ABCA6: variants seen among roughly 807,000 people sequenced by gnomAD.
ABCA6 encodes the protein ATP-binding cassette sub-family A member 6.
A neutral mutation model predicts 191.2 loss-of-function variants in ABCA6; 164 were observed. That is an observed-to-expected ratio of 0.86 (90% confidence interval 0.76 to 0.98). ABCA6 has a LOEUF of 0.98. Among genes scored for constraint, ABCA6 ranks in the 50% least tolerant of loss-of-function variants. ABCA6 has a pLI of 0.00. For missense variants in ABCA6, 1,958 were observed against 1,894.1 expected, an observed-to-expected ratio of 1.03 and a Z score of -0.63; for synonymous variants, 636 against 647.7, an observed-to-expected ratio of 0.98 and a Z score of 0.27.
At chr17:69,085,539 A>AAAAAAAAAAAAT in intron 31 of ABCA6, 86 bp downstream of exon 31, 1 of 842,644 alleles carries the variant, frequency 1.2e-6, no homozygotes, top group Non-Finnish European at 1.7e-6. Context: ...AAAAAAAGAA[A>AAAAAAAAAAAAT]AGAAAAATAG....
At chr17:69,114,331 G>A (rs1412948973) in intron 13 of ABCA6, among the ~76,000 whole-genome samples, 4 of 147,598 alleles carry the variant, frequency 2.7e-5, no homozygotes, top group African/African-American at 5.0e-5. Context: ...ACCAAACACC[G>A]CATGTTCTCA....
Position 69,140,709 on chromosome 17 carries a change from C to T in ABCA6, c.-6G>A, listed in dbSNP as rs1218791561. On this transcript the variant is annotated 5_prime_UTR_variant, in exon 2 of 39. The change abolishes the stop of an existing upstream ORF in the 5' untranslated region. Transcript: ENST00000284425. Reference sequence around the variant, plus strand: ...CTTTTCTGTTTCATATTCATTTAGCCTATTCGCTGAAGGAGAAAGTAATCA... The same window carrying T: ...CTTTTCTGTTTCATATTCATTTAGCTTATTCGCTGAAGGAGAAAGTAATCA... 1.3e-6 allele frequency: 2 copies of T among 1,553,858 alleles called. No homozygotes were observed. Among genetic ancestry groups the T allele is most frequent in the South Asian group, 1.2e-5 (1 of 80,628 alleles).
At chr17:69,098,768 A>G (rs1055157942) in intron 22 of ABCA6, among the ~76,000 whole-genome samples, 1 of 152,176 alleles carries the variant, frequency 6.6e-6, no homozygotes, top group African/African-American at 2.4e-5. Context: ...AGTAATATTC[A>G]TAGAAACATA....
chr17:69,129,783 G>A (rs2073829931), intron 6 of ABCA6, 32 bp from the exon 7 acceptor site: 1 of 1,491,776 alleles, frequency 6.7e-7, no homozygotes, highest in Admixed American at 2.2e-5. Flanking sequence ...TATAAATTAT[G>A]TTAACTTATT....
At position 69,110,690 on chromosome 17, in the gene ABCA6, G is replaced by A. The variant is rs1368275688; in HGVS notation, c.2272+111C>T. ...CTTCCTCTTGAGTTCTGCTTCTCAG[G>A]TGGCCAAAACTAAGAAAAAGTCTAA... On this transcript the variant is annotated intron_variant, in intron 17 of 38. Transcript: ENST00000284425. 16 of 1,282,318 alleles carry A rather than the reference G, an allele frequency of 1.2e-5. No homozygotes were observed. In the South Asian group the frequency reaches 2.5e-4, roughly 20 times the overall value. The allele number at this position is 1,282,318 out of a possible 1,614,324, so 79.4% of individuals were successfully genotyped here. A position where few individuals can be genotyped will look rare whatever the true frequency, so the allele number is the denominator to read the frequency against.
intron 13 of ABCA6, among the ~76,000 whole-genome samples, chr17:69,114,045 C>T (rs992227189): frequency 6.6e-6 from 1 of 151,992 alleles, no homozygotes; most frequent in Admixed American, 6.6e-5. Context: ...ACCATTTGAC[C>T]CAGCCATCCC....
At chr17:69,137,129 C>T (rs2073961783) in intron 3 of ABCA6, among the ~76,000 whole-genome samples, 167 bp downstream of exon 3, 1 of 152,148 alleles carries the variant, frequency 6.6e-6, no homozygotes, top group African/African-American at 2.4e-5. Flanking sequence ...ATTTCAAAGG[C>T]TAGTTGTTGT....
intron 7 of ABCA6, among the ~76,000 whole-genome samples, chr17:69,129,190 G>A (rs888273828): frequency 6.6e-6 from 1 of 152,092 alleles, no homozygotes; most frequent in African/African-American, 2.4e-5. Flanking sequence ...TTCAGAGAAG[G>A]CAGAGCGGAG....
intron 26 of ABCA6, among the ~76,000 whole-genome samples, 177 bp from the exon 27 acceptor site, chr17:69,089,719 A>G (rs747910776): frequency 2.6e-5 from 4 of 152,218 alleles, no homozygotes; most frequent in Non-Finnish European, 4.4e-5. Context: ...CTCAACTCTT[A>G]CTGTCTCTCA....
intron 25 of ABCA6, among the ~76,000 whole-genome samples, chr17:69,092,916 T>C (rs1237497651): frequency 6.6e-6 from 1 of 152,198 alleles, no homozygotes. Context: ...AGAAATAAAT[T>C]ATAAGTTATT....
At chr17:69,136,650 A>G (rs1403115846) in intron 3 of ABCA6, among the ~76,000 whole-genome samples, 2 of 152,184 alleles carry the variant, frequency 1.3e-5, no homozygotes, top group Non-Finnish European at 2.9e-5. Flanking sequence ...TCTGCAGAAA[A>G]CAAGATTTTT....
At chr17:69,101,530 A>T (rs1247315161) in intron 21 of ABCA6, among the ~76,000 whole-genome samples, 3 of 150,260 alleles carry the variant, frequency 2.0e-5, no homozygotes, top group Non-Finnish European at 4.4e-5. Flanking sequence ...CAGAAGGCAG[A>T]GGTTGTAGTG....
At chr17:69,130,188 A>G (rs187417955) in intron 6 of ABCA6, among the ~76,000 whole-genome samples, 10 of 152,132 alleles carry the variant, frequency 6.6e-5, no homozygotes, top group Admixed American at 6.6e-5. Context: ...ATGGTGGTGC[A>G]TGCCTGTAGT....
chr17:69,118,929 C>G (rs540185250), intron 10 of ABCA6, among the ~76,000 whole-genome samples: 3 of 152,096 alleles, frequency 2.0e-5, no homozygotes, highest in African/African-American at 7.2e-5. Flanking sequence ...CTCTCTCTGT[C>G]TCTCTCACAC....
chr17:69,102,895 G>C lies in ABCA6; in HGVS notation c.2814C>G (p.Asn938Lys). The change falls in exon 21 of 39, where the codon AAC (asparagine) becomes AAG (lysine). Residue 938 changes from asparagine to lysine, a missense_variant. Physicochemically the swap from Asn to Lys is moderately conservative, Grantham distance 94. Transcript: ENST00000284425. ...ATGAGAGGCCATCAGTACCATTTCT[G>C]TTTTCAAAGTCATCTACTTCCAAAA... is the stretch of plus-strand genomic sequence containing the variant. ...NILLEVDDFE[N>K]RNGTDGLSYN... 1 of 1,600,064 alleles carries C rather than the reference G, an allele frequency of 6.2e-7. No individual in the cohort carries two copies. Among genetic ancestry groups the C allele is most frequent in the Non-Finnish European group, 8.5e-7 (1 of 1,174,300 alleles).
chr17:69,085,803 C>G, intron 30 of ABCA6, 87 bp from the exon 31 acceptor site: 1 of 885,804 alleles, frequency 1.1e-6, no homozygotes, highest in East Asian at 2.5e-5. Context: ...TCTGAGATTT[C>G]TGCACCCTTC....
In ABCA6 at chr17:69,078,939, A is replaced by C; in HGVS notation, c.*34T>G. On this transcript the variant is annotated 3_prime_UTR_variant, in exon 39 of 39. Coordinates refer to ENST00000284425, the MANE Select transcript of ABCA6 (RefSeq NM_080284.3). ...ATTATTACATAAAACATGAGTTTAT[A>C]GGAGATCAACAAAAAATTACTAGGT... The C allele has an allele frequency of 2.2e-5, 29 of 1,332,150 alleles. No individual in the cohort carries two copies. Among genetic ancestry groups the C allele is most frequent in the Non-Finnish European group, 3.0e-5 (28 of 943,000 alleles). The allele number at this position is 1,332,150 out of a possible 1,614,324, so 82.5% of individuals were successfully genotyped here.
At position 69,115,639 on chromosome 17, in the gene ABCA6, C is replaced by T. The variant is rs878931510; in HGVS notation, c.1496-153G>A. 6 of 479,066 alleles carry T rather than the reference C, an allele frequency of 1.3e-5. No individual in the cohort carries two copies. The Admixed American group carries it at 2.2e-4, about 18-fold the overall frequency. The allele number at this position is 479,066 out of a possible 1,614,324, so 29.7% of individuals were successfully genotyped here. A position where few individuals can be genotyped will look rare whatever the true frequency, so the allele number is the denominator to read the frequency against. ...AAAATACACAATGATCAATATTTTCCTAATTGCCAAAATAATATGTGACAG... is the reference window on the plus strand; with the variant it reads ...AAAATACACAATGATCAATATTTTCTTAATTGCCAAAATAATATGTGACAG... On this transcript the variant is annotated intron_variant, in intron 11 of 38. Transcript: ENST00000284425.
At position 69,129,711 on chromosome 17, in the gene ABCA6, T is replaced by G. The variant is rs768367809; in HGVS notation, c.832A>C (p.Ile278Leu). Residue 278 changes from isoleucine (I) to leucine (L), a missense_variant, in exon 7 of 39, where the codon ATT (isoleucine) becomes CTT (leucine). Ile to Leu is a conservative substitution (Grantham distance 5, BLOSUM62 2). Transcript: ENST00000284425. ...ATGATAATTGTAACGAATATGGAAA[T>G]AATAAAGATGAAGCCAGCATAGATT... is the stretch of plus-strand genomic sequence containing the variant. ...GLIYAGFIFI[I>L]SIFVTIIITF... 2 of 1,604,442 alleles carry G rather than the reference T, an allele frequency of 1.2e-6. No homozygotes were observed. Among genetic ancestry groups the G allele is most frequent in the East Asian group, 2.2e-5 (1 of 44,726 alleles).
Sources: allele counts gnomAD v4.1 joint callset (sites outside exome capture counted in the v4.1 genomes callset), GRCh38; gene constraint gnomAD v4.1.1; transcripts MANE v1.5; gene names NCBI Gene and HGNC (gene_info 2026-07-23, HGNC 2026-07-21).